HNRNPLL: variants seen among roughly 807,000 people sequenced by gnomAD.
The protein encoded by HNRNPLL is heterogeneous nuclear ribonucleoprotein L like.
HNRNPLL carries 25 observed loss-of-function variants against 67.1 expected under a neutral mutation model. The ratio of observed to expected loss-of-function variants is 0.37; its 90% CI spans 0.27 to 0.52. HNRNPLL has a LOEUF of 0.52. Ranked by LOEUF, HNRNPLL falls within the 20% of genes least tolerant of loss-of-function variation. The probability of loss-of-function intolerance (pLI) is 0.90; values close to 1 mark genes in which losing one functional copy is unlikely to be tolerated. For missense variants in HNRNPLL, 542 were observed against 673.9 expected (o/e 0.80, Z 2.17); for synonymous variants, 267 against 241.7 (o/e 1.10, Z -0.97).
chr2:38,564,623 A>AAG (rs1216920583), intron 12 of HNRNPLL, among the ~76,000 whole-genome samples: 2 of 151,254 alleles, frequency 1.3e-5, no homozygotes, highest in African/African-American at 4.8e-5. Flanking sequence ...CAAAAAAAAA[A>AAG]AAAAAAAAAA....
At chr2:38,595,478 T>A (rs980565283) in intron 1 of HNRNPLL, among the ~76,000 whole-genome samples, 4 of 151,944 alleles carry the variant, frequency 2.6e-5, no homozygotes, top group African/African-American at 4.8e-5. Context: ...AAAAAAAATC[T>A]CCTTTTAATA....
At chr2:38,599,043 A>C (rs560438130) in intron 1 of HNRNPLL, among the ~76,000 whole-genome samples, 1 of 152,360 alleles carries the variant, frequency 6.6e-6, no homozygotes, top group South Asian at 2.1e-4. Context: ...ACCCATATGC[A>C]TCTAACAGAT....
chr2:38,599,796 G>C (rs1667350521), intron 1 of HNRNPLL: 2 of 445,326 alleles, frequency 4.5e-6, no homozygotes, highest in African/African-American at 2.0e-5. Context: ...AAGCACTCAA[G>C]GTTAATCATA....
chr2:38,568,134 A>G, intron 12 of HNRNPLL, 65 bp downstream of exon 12: 1 of 969,680 alleles, frequency 1.0e-6, no homozygotes, highest in Middle Eastern at 2.1e-4. Context: ...TTATATTACC[A>G]TGAATGTTTC....
Position 38,585,881 on chromosome 2 carries a change from G to C in HNRNPLL, c.309C>G (p.Cys103Trp), listed in dbSNP as rs1436963029. The C allele has an allele frequency of 1.3e-6, 2 of 1,559,626 alleles. No individual in the cohort carries two copies. The highest frequency in any genetic ancestry group is 1.8e-6 in the Non-Finnish European group (2 of 1,131,852). Reference sequence around the variant, plus strand: ...GTTTAAATGGCATCATCATCACATAGCTGAAAAGGGAGAAAAGGAGGAAAC... The same window carrying C: ...GTTTAAATGGCATCATCATCACATACCTGAAAAGGGAGAAAAGGAGGAAAC... ...VEALEKFGTI[C>W]YVMMMPFKRQ... Residue 103 changes from cysteine (C) to tryptophan (W), a missense_variant and splice_region_variant, in exon 3 of 13, where the codon TGC becomes TGG. Cys to Trp is a radical substitution (Grantham distance 215). Around this residue, in one of 2 missense-constraint regions of HNRNPLL, gnomAD observed 415 missense variants for 575.2 expected, o/e 0.72. Transcript: ENST00000449105.
chr2:38,568,323 T>C, intron 11 of HNRNPLL, 26 bp from the exon 12 acceptor site: 1 of 1,605,688 alleles, frequency 6.2e-7, no homozygotes, highest in South Asian at 1.1e-5. Flanking sequence ...ACAAACTCAG[T>C]TATTATTACT....
rs1666231018 is a variant in HNRNPLL at position 38,574,673 on chromosome 2, A to C, written c.875-1246T>G. On this transcript the variant is annotated intron_variant, in intron 7 of 12. Coordinates refer to ENST00000449105, the MANE Select transcript of HNRNPLL (RefSeq NM_138394.4). ...ATAACAACACAGTAACACCACCACC[A>C]AGCACACACAAACACGGTGTGAATT... Among the ~76,000 whole-genome samples, 2 of 151,772 alleles carry C rather than the reference A, an allele frequency of 1.3e-5. 1 individual carries two copies. Among genetic ancestry groups the C allele is most frequent in the South Asian group, 4.1e-4 (2 of 4,826 alleles).
At position 38,602,735 on chromosome 2, in the gene HNRNPLL, G is replaced by T; in HGVS notation, c.-109C>A. ...CGCCGGCAGCGCCTCTTCTGCGAGGGTCTCCGCGGCCCGGCCGTCCGCGGG... is the reference window on the plus strand; with the variant it reads ...CGCCGGCAGCGCCTCTTCTGCGAGGTTCTCCGCGGCCCGGCCGTCCGCGGG... On this transcript the variant is annotated 5_prime_UTR_variant, in exon 1 of 13. Transcript: ENST00000449105. The T allele has an allele frequency of 6.7e-7, 1 of 1,492,164 alleles. No individual in the cohort carries two copies. The highest frequency in any genetic ancestry group is 1.3e-5 in the South Asian group (1 of 77,292). The allele number at this position is 1,492,164 out of a possible 1,614,324, so 92.4% of individuals were successfully genotyped here. A position where few individuals can be genotyped will look rare whatever the true frequency, so the allele number is the denominator to read the frequency against.
chr2:38,599,859 C>T, intron 1 of HNRNPLL: 1 of 469,752 alleles, frequency 2.1e-6, no homozygotes, highest in Non-Finnish European at 4.4e-6. Context: ...TTACAAACTT[C>T]CAACTAGAGT....
chr2:38,570,039 A>G (rs1163024245), intron 8 of HNRNPLL, 114 bp from the exon 9 acceptor site: 1 of 693,840 alleles, frequency 1.4e-6, no homozygotes, highest in African/African-American at 1.8e-5. Flanking sequence ...GATCACCTGG[A>G]TTTTAACTAT....
chr2:38,601,399 G>A (rs1558551291), intron 1 of HNRNPLL, among the ~76,000 whole-genome samples: 1 of 152,104 alleles, frequency 6.6e-6, no homozygotes, highest in East Asian at 1.9e-4. Flanking sequence ...CCTAATAGTA[G>A]GATATATGTG....
chr2:38,602,848 C>T lies in HNRNPLL; in HGVS notation c.-222G>A. 6.5e-7 allele frequency: 1 copy of T among 1,549,348 alleles called. No individual in the cohort carries two copies. The highest frequency in any genetic ancestry group is 2.0e-5 in the Admixed American group (1 of 50,958). On this transcript the variant is annotated 5_prime_UTR_variant, in exon 1 of 13. Transcript: ENST00000449105. Reference sequence around the variant, plus strand: ...AGGAAGCTCTGGAGCGGCCGCTCCTCTCAATTACCGAGCCAACATTCAGCC... The same window carrying T: ...AGGAAGCTCTGGAGCGGCCGCTCCTTTCAATTACCGAGCCAACATTCAGCC...
At chr2:38,594,036 A>G (rs1441026761) in intron 1 of HNRNPLL, among the ~76,000 whole-genome samples, 1 of 150,056 alleles carries the variant, frequency 6.7e-6, no homozygotes, top group African/African-American at 2.5e-5. Context: ...TTAGCCGGGC[A>G]TGGTGGCAGG....
At chr2:38,602,124 C>A in intron 1 of HNRNPLL, 1 of 373,248 alleles carries the variant, frequency 2.7e-6, no homozygotes, top group South Asian at 3.5e-5. Context: ...AAAGAGCTCC[C>A]CGAGCCGCGA....
chr2:38,570,647 C>A (rs1291205859), intron 8 of HNRNPLL, among the ~76,000 whole-genome samples: 1 of 152,092 alleles, frequency 6.6e-6, no homozygotes, highest in Non-Finnish European at 1.5e-5. Context: ...ATCATTCAGC[C>A]TAATGCTTAG....
At chr2:38,569,763 T>A (rs780524310) in intron 9 of HNRNPLL, 41 bp downstream of exon 9, 3 of 1,098,140 alleles carry the variant, frequency 2.7e-6, no homozygotes, top group East Asian at 2.7e-5. Flanking sequence ...CAAAGATTTT[T>A]AAATATTTTT....
chr2:38,570,077 A>T, intron 8 of HNRNPLL, 152 bp from the exon 9 acceptor site: 1 of 584,038 alleles, frequency 1.7e-6, no homozygotes, highest in Non-Finnish European at 3.1e-6. Flanking sequence ...GATACCCTTA[A>T]CTCTTATCAA....
intron 2 of HNRNPLL, among the ~76,000 whole-genome samples, chr2:38,587,378 T>C (rs1193376644): frequency 1.3e-5 from 2 of 152,140 alleles, no homozygotes; most frequent in East Asian, 3.8e-4. Flanking sequence ...ATTTAACGTA[T>C]CTTGCCTCAT....
rs182246763 is a variant in HNRNPLL, at chr2:38,595,713, G to A, written c.190-4065C>T. ...ACAAAAATTAGCCGGGCGTGGTGGC[G>A]GGCACCTGTAGTCCCAGCTACTTGG... On this transcript the variant is annotated intron_variant, in intron 1 of 12. Transcript: ENST00000449105. 4.7e-4 allele frequency among the ~76,000 whole-genome samples: 71 copies of A among 152,182 alleles called. 4 individuals carry two copies. The East Asian group carries it at 0.013, about 29-fold the overall frequency.
Sources: allele counts gnomAD v4.1 joint callset (sites outside exome capture counted in the v4.1 genomes callset), GRCh38; gene constraint gnomAD v4.1.1; regional missense constraint gnomAD v4.1.1; transcripts MANE v1.5; gene names NCBI Gene and HGNC (gene_info 2026-07-23, HGNC 2026-07-21).